The following TCF7L1 variants were observed in gnomAD, a reference collection of about 807,000 sequenced individuals.
TCF7L1 encodes the protein transcription factor 7 like 1, also known as transcription factor 7-like 1.
In TCF7L1, 18 loss-of-function variants were observed where a neutral mutation model predicts 63.7. That is an observed-to-expected ratio of 0.28 (90% CI 0.20 to 0.42). TCF7L1 has a LOEUF of 0.42. Ranked by LOEUF, TCF7L1 falls within the 10% of genes least tolerant of loss-of-function variation. The pLI is 1.00. For missense variants in TCF7L1, 654 were observed against 779.3 expected, an observed-to-expected ratio of 0.84 and a Z score of 1.91; for synonymous variants, 355 against 340.9, an observed-to-expected ratio of 1.04 and a Z score of -0.46.
intron 3 of TCF7L1, among the ~76,000 whole-genome samples, chr2:85,224,481 A>G (rs1018021929): frequency 1.3e-5 from 2 of 152,194 alleles, no homozygotes; most frequent in African/African-American, 4.8e-5. Context: ...TCGCCATTCT[A>G]ACTGGCATGA....
intron 3 of TCF7L1, chr2:85,205,025 A>G (rs1266320857): frequency 1.3e-5 from 2 of 152,144 alleles, no homozygotes; most frequent in Admixed American, 6.5e-5. Context: ...GAAGCGTTTC[A>G]TATTTTAAAC....
At chr2:85,238,994 G>A (rs1315895943) in intron 3 of TCF7L1, among the ~76,000 whole-genome samples, 1 of 151,772 alleles carries the variant, frequency 6.6e-6, no homozygotes, top group Non-Finnish European at 1.5e-5. Context: ...ACTAATTTTT[G>A]TATTTTTAGT....
intron 3 of TCF7L1, among the ~76,000 whole-genome samples, chr2:85,256,869 G>A (rs2104341549): frequency 6.6e-6 from 1 of 152,130 alleles, no homozygotes; most frequent in East Asian, 1.9e-4. Context: ...TGTAATCCCA[G>A]CCACTCGGGA....
chr2:85,159,617 A>G lies in TCF7L1; in HGVS notation c.441+25167A>G, dbSNP rs759358440. On this transcript the variant is annotated intron_variant, in intron 3 of 11. Transcript: ENST00000282111. ...GCCTGCCCTCTCCTTTGCTTGTGGT[A>G]CTGGCCCTTTGACCTACTGGAGATG... Among the ~76,000 whole-genome samples, 249 of 152,334 alleles carry G rather than the reference A, an allele frequency of 1.6e-3. 2 individuals carry two copies. The highest frequency in any genetic ancestry group is 1.8e-3 in the Non-Finnish European group (125 of 68,026).
intron 3 of TCF7L1, among the ~76,000 whole-genome samples, chr2:85,166,069 G>A (rs140826944): frequency 3.1e-3 from 476 of 152,380 alleles, no homozygotes; most frequent in Non-Finnish European, 5.2e-3. Flanking sequence ...GCAAATGGCA[G>A]TGAGTTTGCA....
chr2:85,304,873 G>C (rs1682070766), intron 7 of TCF7L1, among the ~76,000 whole-genome samples: 1 of 152,144 alleles, frequency 6.6e-6, no homozygotes, highest in Non-Finnish European at 1.5e-5. Flanking sequence ...GATGTCAGGA[G>C]AGGAGACGGT....
intron 3 of TCF7L1, among the ~76,000 whole-genome samples, chr2:85,264,135 G>A (rs1254107453): frequency 6.6e-6 from 1 of 152,176 alleles, no homozygotes; most frequent in African/African-American, 2.4e-5. Context: ...CCAGCCAATT[G>A]CACTGATTTT....
rs1313562077 is a variant in TCF7L1 at position 85,306,013 on chromosome 2, G to C, written c.990-193G>C. Among the ~76,000 whole-genome samples, 4 of 151,976 alleles carry C rather than the reference G, an allele frequency of 2.6e-5. No homozygotes were observed. The highest frequency in any genetic ancestry group is 5.9e-5 in the Non-Finnish European group (4 of 67,962). ...GTAGATTTTCAAAGAATCTGGCGTG[G>C]AGATCGTTCAAAGGTGGGAAACTAC... On this transcript the variant is annotated intron_variant, in intron 8 of 11. Coordinates refer to ENST00000282111, the MANE Select transcript of TCF7L1 (RefSeq NM_031283.3). This position sits in a 1 kb window ranked among gnomAD's most constrained non-coding sequence, Gnocchi z 4.3.
intron 3 of TCF7L1, among the ~76,000 whole-genome samples, chr2:85,202,152 T>G (rs1483625724): frequency 6.6e-6 from 1 of 151,966 alleles, no homozygotes; most frequent in Non-Finnish European, 1.5e-5. Flanking sequence ...TTAGTAGAGA[T>G]GGGGTTTCAC....
At chr2:85,276,941 G>A (rs569045953) in intron 3 of TCF7L1, among the ~76,000 whole-genome samples, 1 of 152,284 alleles carries the variant, frequency 6.6e-6, no homozygotes, top group Admixed American at 6.5e-5. Flanking sequence ...GAGGAAATGG[G>A]TTTTGAAGAA....
intron 3 of TCF7L1, among the ~76,000 whole-genome samples, chr2:85,139,566 G>T (rs374613469): frequency 5.3e-5 from 8 of 152,212 alleles, no homozygotes; most frequent in African/African-American, 1.9e-4. Flanking sequence ...AAGAAGGCAG[G>T]TCGAAGAAGT....
intron 4 of TCF7L1, among the ~76,000 whole-genome samples, chr2:85,292,040 A>T (rs1681729335): frequency 2.7e-4 from 2 of 7,316 alleles, no homozygotes; most frequent in Non-Finnish European, 3.6e-4. Flanking sequence ...TTTTTTTTTG[A>T]GACGGAGTCT....
At chr2:85,226,228 TA>T (rs1253084063) in intron 3 of TCF7L1, among the ~76,000 whole-genome samples, 3 of 152,232 alleles carry the variant, frequency 2.0e-5, no homozygotes, top group Admixed American at 6.5e-5. Context: ...GATATTAGCC[TA>T]AAATTCTCTT....
chr2:85,171,474 A>G (rs1018240143), intron 3 of TCF7L1, among the ~76,000 whole-genome samples: 1 of 152,148 alleles, frequency 6.6e-6, no homozygotes, highest in African/African-American at 2.4e-5. Flanking sequence ...CAGGCTTGAG[A>G]GCTTTGTGGT....
intron 3 of TCF7L1, among the ~76,000 whole-genome samples, chr2:85,212,965 C>G (rs1003532512): frequency 6.6e-6 from 1 of 152,108 alleles, no homozygotes; most frequent in African/African-American, 2.4e-5. Context: ...GTGACAAAAC[C>G]TTGTCCCTCA....
At chr2:85,243,199 G>A (rs563586728) in intron 3 of TCF7L1, among the ~76,000 whole-genome samples, 46 of 152,226 alleles carry the variant, frequency 3.0e-4, no homozygotes, top group African/African-American at 9.6e-4. Context: ...GCTACTCCTC[G>A]GCGCCATTAC....
At chr2:85,219,687 A>T (rs530638165) in intron 3 of TCF7L1, among the ~76,000 whole-genome samples, 6 of 152,180 alleles carry the variant, frequency 3.9e-5, no homozygotes, top group Non-Finnish European at 2.9e-5. Flanking sequence ...TAAGACCAGC[A>T]TGGGCAGCAT....
rs199801416 is a variant in TCF7L1, at chr2:85,306,538, C to T, written c.1236C>T (p.Thr412=). Residue 412 remains threonine (T), a synonymous_variant, in exon 10 of 12, where the codon ACC becomes ACT. Coordinates refer to ENST00000282111, the MANE Select transcript of TCF7L1 (RefSeq NM_031283.3). The surrounding 1 kb of genome is among the most constrained non-coding windows in gnomAD (Gnocchi z 4.3). Reference sequence around the variant, plus strand: ...AGCTTCACTCGCAGCTCTACCCAACCTGGTCAGCCCGGGACAACTATGTAA... The same window carrying T: ...AGCTTCACTCGCAGCTCTACCCAACTTGGTCAGCCCGGGACAACTATGTAA... ...ERQLHSQLYP[T]WSARDNYGKK... is the part of the protein sequence containing the mutation. 2 of 1,614,244 alleles carry T rather than the reference C, an allele frequency of 1.2e-6. No individual in the cohort carries two copies. The highest frequency in any genetic ancestry group is 1.7e-6 in the Non-Finnish European group (2 of 1,180,050).
chr2:85,204,752 A>G (rs1306362240), intron 3 of TCF7L1, among the ~76,000 whole-genome samples: 2 of 152,230 alleles, frequency 1.3e-5, no homozygotes, highest in Non-Finnish European at 2.9e-5. Context: ...CACTGTAATG[A>G]ATAGTATGGG....
Sources: allele counts gnomAD v4.1 joint callset (sites outside exome capture counted in the v4.1 genomes callset), GRCh38; gene constraint gnomAD v4.1.1; non-coding constraint Gnocchi (gnomAD v3.1); transcripts MANE v1.5; gene names NCBI Gene and HGNC (gene_info 2026-07-23, HGNC 2026-07-21).